Variants in PGM5 observed in about 807,000 individuals in gnomAD.
PGM5 encodes the protein phosphoglucomutase 5.
A neutral mutation model predicts 59.2 loss-of-function variants in PGM5; 23 were observed. That is an observed-to-expected ratio of 0.39 (90% confidence interval 0.28 to 0.55). PGM5 has a LOEUF of 0.55. Among genes scored for constraint, PGM5 ranks in the 20% least tolerant of loss-of-function variants. The pLI is 0.66. For missense variants in PGM5, 574 were observed against 748.3 expected, an observed-to-expected ratio of 0.77 and a Z score of 2.72; for synonymous variants, 214 against 286.0, an observed-to-expected ratio of 0.75 and a Z score of 2.54.
intron 6 of PGM5, among the ~76,000 whole-genome samples, chr9:68,409,729 G>T (rs1390112454): frequency 8.2e-5 from 9 of 110,210 alleles, no homozygotes; most frequent in Non-Finnish European, 1.4e-4. Context: ...CTGTTGTGGG[G>T]TGGGGGGAGG....
At chr9:68,364,476 G>T (rs1232666425) in intron 1 of PGM5, among the ~76,000 whole-genome samples, 1 of 152,068 alleles carries the variant, frequency 6.6e-6, no homozygotes, top group Admixed American at 6.6e-5. Flanking sequence ...AAGGGAGAAA[G>T]AACTGGGTGG....
intron 6 of PGM5, among the ~76,000 whole-genome samples, chr9:68,418,187 T>C (rs1363026429): frequency 6.6e-6 from 1 of 152,178 alleles, no homozygotes; most frequent in African/African-American, 2.4e-5. Flanking sequence ...TGAATTTGAC[T>C]AAAGGTGTCT....
chr9:68,401,950 T>A (rs1211096689), intron 6 of PGM5, among the ~76,000 whole-genome samples: 1 of 151,468 alleles, frequency 6.6e-6, no homozygotes, highest in Admixed American at 6.6e-5. Context: ...TCAAGGCTCA[T>A]GAAACTGTAC....
chr9:68,426,528 T>G (rs1027509811), intron 6 of PGM5, among the ~76,000 whole-genome samples: 4 of 152,176 alleles, frequency 2.6e-5, no homozygotes, highest in Non-Finnish European at 5.9e-5. Context: ...GATGGACATT[T>G]AAATGGTTTA....
chr9:68,412,249 C>T (rs1822948046), intron 6 of PGM5, among the ~76,000 whole-genome samples: 1 of 152,136 alleles, frequency 6.6e-6, no homozygotes, highest in African/African-American at 2.4e-5. Context: ...ATGTAGTCTG[C>T]ATTATTTTTC....
chr9:68,468,212 G>A (rs533778969), intron 7 of PGM5, among the ~76,000 whole-genome samples: 8 of 152,194 alleles, frequency 5.3e-5, no homozygotes, highest in African/African-American at 1.9e-4. Flanking sequence ...CCCGGTGTCT[G>A]TTGTTTCCTT....
chr9:68,514,400 G>A (rs576630161), intron 10 of PGM5, among the ~76,000 whole-genome samples: 1 of 152,136 alleles, frequency 6.6e-6, no homozygotes, highest in Admixed American at 6.5e-5. Flanking sequence ...TCAGGAGTTC[G>A]AGACCAGCCT....
rs1322588429 is a variant in PGM5, at chr9:68,475,240, G to A, written c.1160-4178G>A. 4.3e-5 allele frequency among the ~76,000 whole-genome samples: 5 copies of A among 117,592 alleles called. No individual in the cohort carries two copies. In the East Asian group the frequency reaches 1.0e-3, roughly 24 times the overall value. The allele number at this position is 117,592 out of a possible 152,430, so 77.1% of individuals were successfully genotyped here. ...AGTAGAGACGAGGTTTCACCATGTTGGCCAGGCTGGTCTCAAACTCCTGAC... is the reference window on the plus strand; with the variant it reads ...AGTAGAGACGAGGTTTCACCATGTTAGCCAGGCTGGTCTCAAACTCCTGAC... On this transcript the variant is annotated intron_variant, in intron 7 of 10. Transcript: ENST00000396396.
chr9:68,519,555 A>G (rs961774744), intron 10 of PGM5, among the ~76,000 whole-genome samples: 1 of 152,056 alleles, frequency 6.6e-6, no homozygotes, highest in African/African-American at 2.4e-5. Flanking sequence ...ACTTTAAAAA[A>G]TTGAGAAAGA....
rs1237927951 is a variant in PGM5, at chr9:68,530,349, C to G, written c.*693C>G. ...AAATAGTATTATTTTAGCTATTAAG[C>G]TGGATACCTTCTTTCAAATTCAGCC... On this transcript the variant is annotated 3_prime_UTR_variant, in exon 11 of 11. Transcript: ENST00000396396. 1 of 152,250 alleles carries G rather than the reference C, an allele frequency of 6.6e-6. No individual in the cohort carries two copies. Among genetic ancestry groups the G allele is most frequent in the Admixed American group, 6.5e-5 (1 of 15,284 alleles). The allele number at this position is 152,250 out of a possible 1,614,324, so 9.4% of individuals were successfully genotyped here. A position where few individuals can be genotyped will look rare whatever the true frequency, so the allele number is the denominator to read the frequency against.
At chr9:68,461,423 C>T (rs151094549) in intron 6 of PGM5, among the ~76,000 whole-genome samples, 387 of 152,254 alleles carry the variant, frequency 2.5e-3, no homozygotes, top group Non-Finnish European at 3.4e-3. Flanking sequence ...TTGTTGACCA[C>T]GTAGCAGTCG....
intron 6 of PGM5, chr9:68,429,080 A>G (rs1433855131): frequency 5.3e-5 from 8 of 152,182 alleles, no homozygotes; most frequent in African/African-American, 1.9e-4. Context: ...ATATGGATGC[A>G]ACACTTTTAG....
chr9:68,488,285 G>T (rs1350818300), intron 9 of PGM5, among the ~76,000 whole-genome samples: 12 of 152,126 alleles, frequency 7.9e-5, no homozygotes, highest in African/African-American at 2.7e-4. Flanking sequence ...GAAAGCGAAA[G>T]GTTTTTTAAG....
At chr9:68,381,553 A>G (rs1191823211) in intron 2 of PGM5, among the ~76,000 whole-genome samples, 1 of 151,816 alleles carries the variant, frequency 6.6e-6, no homozygotes, top group Non-Finnish European at 1.5e-5. Flanking sequence ...AATAAAAGTC[A>G]TCCAAATTGG....
intron 10 of PGM5, among the ~76,000 whole-genome samples, chr9:68,517,453 TA>T (rs1404307678): frequency 6.6e-6 from 1 of 152,204 alleles, no homozygotes; most frequent in Admixed American, 6.5e-5. Context: ...TTATTAATAT[TA>T]AAATTATTTC....
intron 10 of PGM5, among the ~76,000 whole-genome samples, chr9:68,508,067 T>C (rs6560175): frequency 0.73 from 110,359 of 152,082 alleles, 40,612 homozygotes; most frequent in East Asian, 0.99. Flanking sequence ...ACTGAGTATG[T>C]GAAGCCCTGT....
intron 9 of PGM5, among the ~76,000 whole-genome samples, chr9:68,491,413 G>A (rs915179213): frequency 6.6e-6 from 1 of 152,138 alleles, no homozygotes; most frequent in African/African-American, 2.4e-5. Context: ...GTTGTTATAT[G>A]GTTGTTTAGC....
At chr9:68,487,196 G>T (rs956874388) in intron 9 of PGM5, among the ~76,000 whole-genome samples, 2 of 152,040 alleles carry the variant, frequency 1.3e-5, no homozygotes, top group African/African-American at 4.8e-5. Flanking sequence ...CCTTGTCACT[G>T]CCTAGATTTG....
At chr9:68,445,615 G>A (rs905174986) in intron 6 of PGM5, among the ~76,000 whole-genome samples, 1 of 152,176 alleles carries the variant, frequency 6.6e-6, no homozygotes, top group Admixed American at 6.5e-5. Context: ...CTCAAGTGTA[G>A]CCATTCAATA....
Sources: allele counts gnomAD v4.1 joint callset (sites outside exome capture counted in the v4.1 genomes callset), GRCh38; gene constraint gnomAD v4.1.1; transcripts MANE v1.5; gene names NCBI Gene and HGNC (gene_info 2026-07-23, HGNC 2026-07-21).